TMEM230: variants seen among roughly 807,000 people sequenced by gnomAD.
TMEM230 encodes transmembrane protein 230.
A neutral mutation model predicts 15.8 loss-of-function variants in TMEM230; 10 were observed. The ratio of observed to expected loss-of-function variants is 0.63; its 90% CI spans 0.39 to 1.07. TMEM230 has a LOEUF of 1.07. Among genes scored for constraint, TMEM230 ranks in the 50% least tolerant of loss-of-function variants. The pLI is 0.01. For missense variants in TMEM230, 165 were observed against 193.3 expected (o/e 0.85, Z 0.87); for synonymous variants, 67 against 76.9 (o/e 0.87, Z 0.68).
intron 3 of TMEM230, among the ~76,000 whole-genome samples, chr20:5,073,341 C>G (rs912900273): frequency 6.6e-6 from 1 of 152,232 alleles, no homozygotes; most frequent in Non-Finnish European, 1.5e-5. Context: ...AATGTGGACA[C>G]AGGGAGCCCT....
intron 3 of TMEM230, among the ~76,000 whole-genome samples, chr20:5,083,616 T>A (rs1183242925): frequency 2.0e-5 from 3 of 152,310 alleles, no homozygotes; most frequent in Non-Finnish European, 4.4e-5. Flanking sequence ...TTATTTACAA[T>A]CTTAAAATCA....
At position 5,090,458 on chromosome 20, in the gene TMEM230, G is replaced by A. The variant is rs1393441612; in HGVS notation, c.222+15730C>T. Among the ~76,000 whole-genome samples the A allele has an allele frequency of 2.6e-5, 4 of 152,184 alleles. No homozygotes were observed. The East Asian group carries it at 5.8e-4, about 22-fold the overall frequency. The stretch of plus-strand genomic sequence containing the variant: ...TACAGTCACTTCCTCCCCTCAGAGG[G>A]ACAATGGGCAGGAAGAGGACAGGGC... On this transcript the variant is annotated intron_variant, in intron 3 of 3. Coordinates refer to the TMEM230 transcript ENST00000612323.
chr20:5,097,899 C>G, downstream of TMEM230, among the ~76,000 whole-genome samples: 1 of 151,250 alleles, frequency 6.6e-6, no homozygotes, highest in East Asian at 2.0e-4. Context: ...CGTGAGCCAC[C>G]GTACCAGGCC....
chr20:5,095,581 C>T (rs1335984830), downstream of TMEM230, among the ~76,000 whole-genome samples: 2 of 152,176 alleles, frequency 1.3e-5, no homozygotes, highest in African/African-American at 4.8e-5. Context: ...AGACTATACC[C>T]TCTAAGTGCC....
Position 5,111,549 on chromosome 20 carries a change from C to T in TMEM230, c.125G>A (p.Cys42Tyr). The T allele has an allele frequency of 5.9e-6, 1 of 170,260 alleles. No homozygotes were observed. 10.5% of individuals were successfully genotyped at this position (170,260 alleles called of 1,614,324 possible). The change falls in exon 2 of 5, where the codon TGC (cysteine) becomes TAC (tyrosine). Residue 42 changes from cysteine to tyrosine, a missense_variant. Cys to Tyr is a radical substitution (Grantham distance 194, BLOSUM62 -2). Transcript: ENST00000342308. ...GCTTGAAGCCAGGAGGTGGAGATTG[C>T]AGTGAGCTGAGATCACACCACTGGG...
downstream of TMEM230, among the ~76,000 whole-genome samples, chr20:5,097,969 ATTTTTT>A (rs5840073): frequency 1.6e-4 from 11 of 67,252 alleles, no homozygotes; most frequent in East Asian, 1.0e-3. Flanking sequence ...CTAACTCAGG[ATTTTTT>A]TTTTTTTTTT....
In TMEM230 at chr20:5,100,554, T is replaced by C. The variant is rs2089812324; in HGVS notation, c.*237A>G. On this transcript the variant is annotated 3_prime_UTR_variant, in exon 5 of 5. Transcript: ENST00000342308. ...TTACAGAATAACCTCTATTCTTCCA[T>C]GATACATATTCCTGTGGAAAAACTT... is the stretch of plus-strand genomic sequence containing the variant. The C allele has an allele frequency of 1.0e-5, 13 of 1,294,948 alleles. No individual in the cohort carries two copies. The highest frequency in any genetic ancestry group is 2.0e-5 in the South Asian group (1 of 51,212). 80.2% of individuals were successfully genotyped at this position (1,294,948 alleles called of 1,614,324 possible).
intron 3 of TMEM230, among the ~76,000 whole-genome samples, chr20:5,107,984 T>C (rs1251167392): frequency 2.0e-5 from 3 of 151,596 alleles, no homozygotes; most frequent in African/African-American, 4.9e-5. Context: ...TGGTGGTGCA[T>C]GCCTGTAATC....
Position 5,106,176 on chromosome 20 carries a change from C to T in TMEM230, c.411+12G>A. 1 of 1,602,742 alleles carries T rather than the reference C, an allele frequency of 6.2e-7. No individual in the cohort carries two copies. The highest frequency in any genetic ancestry group is 1.1e-5 in the South Asian group (1 of 89,314). ...AATCTCACAACTTATTCCCACATGC[C>T]CGTCAGCTTACCCCTTTGCTGATGT... On this transcript the variant is annotated intron_variant, in intron 4 of 4. Transcript: ENST00000342308.
chr20:5,095,753 G>A (rs1454297836), downstream of TMEM230, among the ~76,000 whole-genome samples: 1 of 152,164 alleles, frequency 6.6e-6, no homozygotes, highest in Non-Finnish European at 1.5e-5. Flanking sequence ...TTGCTACAAT[G>A]CAGATACCGA....
chr20:5,080,779 C>T (rs1171472844), intron 3 of TMEM230, among the ~76,000 whole-genome samples: 1 of 152,120 alleles, frequency 6.6e-6, no homozygotes, highest in African/African-American at 2.4e-5. Flanking sequence ...TGGCCTCAGG[C>T]GATCCACTCA....
At chr20:5,070,723 T>C (rs1001026651) in intron 3 of TMEM230, among the ~76,000 whole-genome samples, 1 of 152,218 alleles carries the variant, frequency 6.6e-6, no homozygotes, top group Non-Finnish European at 1.5e-5. Flanking sequence ...AAAAGAATTT[T>C]TGTTTACCCT....
At chr20:5,075,332 T>A (rs945343053) in intron 3 of TMEM230, among the ~76,000 whole-genome samples, 11 of 151,830 alleles carry the variant, frequency 7.2e-5, no homozygotes, top group Admixed American at 2.0e-4. Flanking sequence ...CCCAAAGTGC[T>A]GGGATTACAG....
chr20:5,097,278 C>T (rs1207913467), downstream of TMEM230, among the ~76,000 whole-genome samples: 5 of 152,170 alleles, frequency 3.3e-5, no homozygotes, highest in African/African-American at 1.2e-4. Flanking sequence ...GGTATGACCA[C>T]GTGAAGCTCA....
chr20:5,093,999 G>A (rs779017244), intron 3 of TMEM230, among the ~76,000 whole-genome samples: 39 of 151,626 alleles, frequency 2.6e-4, no homozygotes, highest in Non-Finnish European at 4.3e-4. Context: ...TGTCGCCCAG[G>A]CTGGAGTGCA....
chr20:5,069,209 T>C, exon 4 of TMEM230: 1 of 1,535,302 alleles, frequency 6.5e-7, no homozygotes, highest in African/African-American at 1.4e-5. Flanking sequence ...ATGACACCTG[T>C]GTTCCTCTTC....
At chr20:5,067,126 C>T (rs1290675008), downstream of TMEM230, 1 of 152,044 alleles carries the variant, frequency 6.6e-6, no homozygotes, top group Non-Finnish European at 1.5e-5. Flanking sequence ...AGGCTCAGTC[C>T]TGCAGGGATC....
intron 3 of TMEM230, among the ~76,000 whole-genome samples, chr20:5,076,451 G>A (rs553075650): frequency 6.6e-6 from 1 of 151,988 alleles, no homozygotes; most frequent in Non-Finnish European, 1.5e-5. Flanking sequence ...TGAGGCAGGA[G>A]AATCACTTGC....
At chr20:5,078,495 G>A (rs1298060866) in intron 3 of TMEM230, among the ~76,000 whole-genome samples, 1 of 152,116 alleles carries the variant, frequency 6.6e-6, no homozygotes, top group South Asian at 2.1e-4. Context: ...GGTAGGCTGG[G>A]ATATGCTGCA....
Sources: allele counts gnomAD v4.1 joint callset (sites outside exome capture counted in the v4.1 genomes callset), GRCh38; gene constraint gnomAD v4.1.1; transcripts MANE v1.5; gene names NCBI Gene and HGNC (gene_info 2026-07-23, HGNC 2026-07-21).